Variants in TMEM232 observed in about 807,000 individuals in gnomAD.
TMEM232 encodes transmembrane protein 232.
A neutral mutation model predicts 78.8 loss-of-function variants in TMEM232; 80 were observed. That is an observed-to-expected ratio of 1.01 (90% CI 0.85 to 1.22). TMEM232 has a LOEUF of 1.22. Ranked by LOEUF, TMEM232 falls within the 50% of genes most tolerant of loss-of-function variation. The probability of loss-of-function intolerance (pLI) is 0.00; values close to 1 mark genes in which losing one functional copy is unlikely to be tolerated. For synonymous variants in TMEM232, 297 were observed against 254.3 expected, an observed-to-expected ratio of 1.17 and a Z score of -1.60; for missense variants, 881 against 742.2, an observed-to-expected ratio of 1.19 and a Z score of -2.17.
At chr5:110,507,742 A>AT (rs757489866) in intron 12 of TMEM232, among the ~76,000 whole-genome samples, 7 of 152,300 alleles carry the variant, frequency 4.6e-5, no homozygotes, top group Non-Finnish European at 8.8e-5. Context: ...GATAGTGAGC[A>AT]TTATTGGAAT....
intron 1 of TMEM232, chr5:110,725,934 T>A (rs1230619747): frequency 6.6e-6 from 1 of 151,496 alleles, no homozygotes; most frequent in Non-Finnish European, 1.5e-5. Context: ...ACCAACCAAA[T>A]GATAGAATTT....
intron 11 of TMEM232, among the ~76,000 whole-genome samples, chr5:110,532,055 C>A (rs1007855777): frequency 1.1e-4 from 17 of 152,130 alleles, no homozygotes; most frequent in Non-Finnish European, 2.5e-4. Flanking sequence ...AACTTCCAAA[C>A]GCCTGAACTG....
Position 110,528,585 on chromosome 5 carries a change from T to C in TMEM232, c.1703+3A>G. ...CAATAAAACCGATAGTACTTCTCTTTACCTTACAGTGAAATGTAGAACTTG... is the reference window on the plus strand; with the variant it reads ...CAATAAAACCGATAGTACTTCTCTTCACCTTACAGTGAAATGTAGAACTTG... On this transcript the variant is annotated splice_donor_region_variant and intron_variant, in intron 12 of 13. Transcript: ENST00000455884. 1 of 1,527,628 alleles carries C rather than the reference T, an allele frequency of 6.5e-7. No homozygotes were observed. Among genetic ancestry groups the C allele is most frequent in the Non-Finnish European group, 8.7e-7 (1 of 1,143,768 alleles). 94.6% of individuals were successfully genotyped at this position (1,527,628 alleles called of 1,614,324 possible).
At chr5:110,634,366 T>C (rs896591764) in intron 5 of TMEM232, among the ~76,000 whole-genome samples, 1 of 152,122 alleles carries the variant, frequency 6.6e-6, no homozygotes, top group Admixed American at 6.6e-5. Context: ...ATTCACAGAA[T>C]ATTTTTCCCA....
chr5:110,680,106 A>T (rs759521039), intron 1 of TMEM232, among the ~76,000 whole-genome samples: 40 of 152,092 alleles, frequency 2.6e-4, no homozygotes, highest in South Asian at 8.3e-4. Flanking sequence ...TGAGTTTAAT[A>T]TGCAACCCAA....
chr5:110,575,365 G>C (rs543202474), intron 10 of TMEM232, among the ~76,000 whole-genome samples: 18 of 152,104 alleles, frequency 1.2e-4, no homozygotes, highest in Non-Finnish European at 2.2e-4. Flanking sequence ...TCTTTTATTA[G>C]AATGTGGTAG....
At chr5:110,484,796 A>G (rs1764282460) in intron 12 of TMEM232, among the ~76,000 whole-genome samples, 1 of 152,076 alleles carries the variant, frequency 6.6e-6, no homozygotes, top group Admixed American at 6.6e-5. Context: ...TAAGTTATAA[A>G]TATGTGTACA....
intron 3 of TMEM232, among the ~76,000 whole-genome samples, chr5:110,391,755 C>T (rs1755204864): frequency 6.6e-6 from 1 of 152,046 alleles, no homozygotes; most frequent in Non-Finnish European, 1.5e-5. Context: ...GTGTCTTGAC[C>T]ATAAAGATAT....
rs113214230 is a variant in TMEM232, at chr5:110,410,980, C to T, written n.309-13126G>A. ...TGTTAAGAATCCTTTCTGAAACCCT[C>T]TCAGCCTGTGAGACCTTCTTCATCC... is the stretch of plus-strand genomic sequence containing the variant. On this transcript the variant is annotated intron_variant and non_coding_transcript_variant, in intron 2 of 8. Coordinates refer to the TMEM232 transcript ENST00000507188. 2.3e-3 allele frequency among the ~76,000 whole-genome samples: 353 copies of T among 152,278 alleles called. 1 individual carries two copies. Among genetic ancestry groups the T allele is most frequent in the African/African-American group, 8.1e-3 (336 of 41,552 alleles).
intron 5 of TMEM232, among the ~76,000 whole-genome samples, chr5:110,634,607 T>C (rs1389389699): frequency 6.6e-6 from 1 of 151,312 alleles, no homozygotes; most frequent in African/African-American, 2.4e-5. Flanking sequence ...ACTGGGTCAA[T>C]GAAGAGGTTA....
chr5:110,657,212 T>A (rs537384358), intron 2 of TMEM232, among the ~76,000 whole-genome samples: 6 of 152,128 alleles, frequency 3.9e-5, no homozygotes, highest in African/African-American at 9.7e-5. Context: ...AAACTAAAAA[T>A]AGAACTGCCA....
intron 11 of TMEM232, among the ~76,000 whole-genome samples, chr5:110,533,707 G>A (rs1164378584): frequency 1.3e-5 from 2 of 152,016 alleles, no homozygotes; most frequent in East Asian, 3.9e-4. Flanking sequence ...CATTATTCCT[G>A]ATACCACACC....
At chr5:110,434,080 A>C (rs1249786214) in intron 12 of TMEM232, among the ~76,000 whole-genome samples, 1 of 151,560 alleles carries the variant, frequency 6.6e-6, no homozygotes, top group Admixed American at 6.6e-5. Flanking sequence ...AAAATAAAAT[A>C]AATGAAAGCA....
chr5:110,679,203 T>G (rs1175674594), intron 1 of TMEM232, among the ~76,000 whole-genome samples: 1 of 152,238 alleles, frequency 6.6e-6, no homozygotes, highest in African/African-American at 2.4e-5. Context: ...GTTGTCAGTG[T>G]TCTGACTTTT....
At chr5:110,482,528 C>T (rs1361944924) in intron 12 of TMEM232, among the ~76,000 whole-genome samples, 1 of 149,810 alleles carries the variant, frequency 6.7e-6, no homozygotes, top group African/African-American at 2.5e-5. Flanking sequence ...TTGCAGTGAG[C>T]CGAGATTGCG....
chr5:110,719,280 TAC>T lies in TMEM232; in HGVS notation c.-13+7345_-13+7346del, dbSNP rs546584617. ...CATATATATGTGCTGTATATATATATACACACACACACATATATAATTATGCA... is the reference window on the plus strand; with the variant it reads ...CATATATATGTGCTGTATATATATATACACACACACATATATAATTATGCA... On this transcript the variant is annotated intron_variant, in intron 1 of 13. Coordinates refer to ENST00000455884, the MANE Select transcript of TMEM232 (RefSeq NM_001039763.4). Among the ~76,000 whole-genome samples, 81 of 151,988 alleles carry T rather than the reference TAC, an allele frequency of 5.3e-4. 1 individual carries two copies. Among genetic ancestry groups the T allele is most frequent in the Middle Eastern group, 6.8e-3 (2 of 294 alleles).
At chr5:110,597,656 C>G (rs1294343027) in intron 10 of TMEM232, among the ~76,000 whole-genome samples, 1 of 151,422 alleles carries the variant, frequency 6.6e-6, no homozygotes, top group Non-Finnish European at 1.5e-5. Flanking sequence ...GTACTGGTAC[C>G]AAAACAGAGA....
chr5:110,432,319 G>A (rs1757946235), intron 12 of TMEM232, among the ~76,000 whole-genome samples: 1 of 151,626 alleles, frequency 6.6e-6, no homozygotes, highest in African/African-American at 2.4e-5. Context: ...AAGATATTGG[G>A]GGCCCACATT....
chr5:110,685,051 T>C (rs150726219), intron 1 of TMEM232: 11 of 151,990 alleles, frequency 7.2e-5, no homozygotes, highest in African/African-American at 2.4e-4. Flanking sequence ...AGTTAGAAAA[T>C]TATAACAAAA....
Sources: allele counts gnomAD v4.1 joint callset (sites outside exome capture counted in the v4.1 genomes callset), GRCh38; gene constraint gnomAD v4.1.1; transcripts MANE v1.5; gene names NCBI Gene and HGNC (gene_info 2026-07-23, HGNC 2026-07-21).